The following TACC2 variants were observed in gnomAD, a reference collection of about 807,000 sequenced individuals.
TACC2 encodes transforming acidic coiled-coil containing protein 2.
A neutral mutation model predicts 227.3 loss-of-function variants in TACC2; 137 were observed. The observed-to-expected ratio is 0.60, with a 90% confidence interval of 0.52 to 0.69. The LOEUF (loss-of-function observed/expected upper bound fraction) is 0.69, where lower values mean the gene tolerates loss of function less well. Ranked by LOEUF, TACC2 falls within the 30% of genes least tolerant of loss-of-function variation. The pLI is 0.00. For synonymous variants in TACC2, 1,523 were observed against 1,487.5 expected (o/e 1.02, Z -0.55); for missense variants, 3,470 against 3,694.4 (o/e 0.94, Z 1.57).
At chr10:122,160,667 T>C (rs2092766719) in intron 7 of TACC2, among the ~76,000 whole-genome samples, 2 of 152,186 alleles carry the variant, frequency 1.3e-5, no homozygotes, top group Admixed American at 1.3e-4. Context: ...CACTAGGGAT[T>C]AGGGCTTCAA....
chr10:122,080,347 G>A (rs139604450), intron 3 of TACC2, among the ~76,000 whole-genome samples: 6,136 of 151,360 alleles, frequency 0.041, 398 homozygotes, highest in East Asian at 0.22. Flanking sequence ...ATCCTCCCAC[G>A]TCAGCCTCCT....
Position 122,227,882 on chromosome 10 carries a change from A to G in TACC2, c.7770A>G (p.Lys2590=). Reference sequence around the variant, plus strand: ...AAGCCCTTGTGAACACTGCTGCGAAAAACCAGCATCCTGTCCCACGAGGAC... The same window carrying G: ...AAGCCCTTGTGAACACTGCTGCGAAGAACCAGCATCCTGTCCCACGAGGAC... ...ETEALVNTAA[K]NQHPVPRGLA... Residue 2590 remains lysine (K), a synonymous_variant, in exon 14 of 23, where the codon AAA becomes AAG. Coordinates refer to ENST00000369005, the MANE Select transcript of TACC2 (RefSeq NM_206862.4). 1 of 1,614,204 alleles carries G rather than the reference A, an allele frequency of 6.2e-7. No homozygotes were observed. The highest frequency in any genetic ancestry group is 8.5e-7 in the Non-Finnish European group (1 of 1,180,036).
rs866276961 is a variant in TACC2, at chr10:122,216,787, C to T, written c.7505C>T (p.Ser2502Phe). 1 of 1,614,120 alleles carries T rather than the reference C, an allele frequency of 6.2e-7. No individual in the cohort carries two copies. Among genetic ancestry groups the T allele is most frequent in the Middle Eastern group, 1.6e-4 (1 of 6,062 alleles). The change falls in exon 11 of 23, where the codon TCC becomes TTC. Residue 2502 changes from serine to phenylalanine, a missense_variant. Ser to Phe is a radical substitution (Grantham distance 155). This residue lies in a region of TACC2 where 345 missense variants were observed against 354.4 expected (regional missense o/e 0.97). Transcript: ENST00000369005. The part of the protein sequence containing the change: ...KQDYPQPSDL[S>F]TFVNETKFSS... ...GACTACCCGCAGCCCTCGGACCTGT[C>T]CACCTTTGTAAACGAGACCAAATTC...
chr10:122,235,097 A>C (rs1229791266), intron 16 of TACC2, among the ~76,000 whole-genome samples: 1 of 152,018 alleles, frequency 6.6e-6, no homozygotes, highest in African/African-American at 2.4e-5. Context: ...CCTTTTTAAA[A>C]TTTTTTTAAG....
In TACC2 at chr10:122,050,281, A is replaced by C. The variant is rs1024746558; in HGVS notation, c.34-157A>C. Among the ~76,000 whole-genome samples, 1 of 152,170 alleles carries C rather than the reference A, an allele frequency of 6.6e-6. No individual in the cohort carries two copies. The highest frequency in any genetic ancestry group is 1.5e-5 in the Non-Finnish European group (1 of 68,036). On this transcript the variant is annotated intron_variant, in intron 2 of 22. Coordinates refer to ENST00000369005, the MANE Select transcript of TACC2 (RefSeq NM_206862.4). This position sits in a 1 kb window ranked among gnomAD's most constrained non-coding sequence, Gnocchi z 4.6. ...TCGCTGCCATATATCCTCAAGGCCT[A>C]GCTCAGTGCCGCACATAGTAGGTGT... is the stretch of plus-strand genomic sequence containing the variant.
chr10:122,060,749 A>C (rs2076696190), intron 3 of TACC2, among the ~76,000 whole-genome samples: 1 of 152,242 alleles, frequency 6.6e-6, no homozygotes, highest in Non-Finnish European at 1.5e-5. Context: ...TCATGTCTGT[A>C]ATCCCAGCAC....
At chr10:121,999,046 G>T (rs1397557641) in intron 1 of TACC2, among the ~76,000 whole-genome samples, 1 of 146,180 alleles carries the variant, frequency 6.8e-6, no homozygotes, top group Non-Finnish European at 1.5e-5. Flanking sequence ...GTCTTGCTCT[G>T]TCGCCAGGCT....
At chr10:122,008,934 C>A (rs2135286366) in intron 1 of TACC2, among the ~76,000 whole-genome samples, 1 of 152,328 alleles carries the variant, frequency 6.6e-6, no homozygotes, top group East Asian at 1.9e-4. Context: ...CTGCTGTGAC[C>A]TGCTCAGACA....
chr10:121,999,249 G>A (rs1953972521), intron 1 of TACC2, among the ~76,000 whole-genome samples: 1 of 152,006 alleles, frequency 6.6e-6, no homozygotes, highest in Non-Finnish European at 1.5e-5. Context: ...ACTCGTGATT[G>A]GAATGGCCAT....
chr10:122,211,842 G>T lies in TACC2; in HGVS notation c.7283+134G>T, dbSNP rs1252713459. 11 of 681,784 alleles carry T rather than the reference G, an allele frequency of 1.6e-5. No homozygotes were observed. The East Asian group carries it at 3.0e-4, about 18-fold the overall frequency. The allele number at this position is 681,784 out of a possible 1,614,324, so 42.2% of individuals were successfully genotyped here. On this transcript the variant is annotated intron_variant, in intron 9 of 22. Transcript: ENST00000369005. ...GTGCTGTGATGATGCCACGCTTACG[G>T]CCGTTGCACCAAGCAGACAATGTAC...
intron 8 of TACC2, among the ~76,000 whole-genome samples, chr10:122,200,443 CAGTTACCTCACCTGCCCACAGT>C (rs1231340857): frequency 5.7e-5 from 8 of 141,562 alleles, no homozygotes; most frequent in African/African-American, 2.1e-4. Context: ...ATGGGGAGGA[CAGTTACCTCACCTGCCCACAGT>C]GGCCACATCT....
At chr10:122,154,982 C>G (rs538684011) in intron 7 of TACC2, among the ~76,000 whole-genome samples, 14 of 152,332 alleles carry the variant, frequency 9.2e-5, no homozygotes, top group African/African-American at 3.1e-4. Flanking sequence ...GAAGGGCAGC[C>G]CTGTGCCAGC....
intron 2 of TACC2, chr10:122,022,935 A>G (rs1008114893): frequency 1.3e-5 from 2 of 152,236 alleles, no homozygotes; most frequent in East Asian, 1.9e-4. Flanking sequence ...TTTCTCATTT[A>G]TCTCACACAA....
intron 7 of TACC2, among the ~76,000 whole-genome samples, chr10:122,163,157 G>A (rs545629327): frequency 6.6e-6 from 1 of 152,284 alleles, no homozygotes; most frequent in Non-Finnish European, 1.5e-5. Context: ...GGGGCCTGAA[G>A]GAGGCAGAAG....
At position 122,165,562 on chromosome 10, in the gene TACC2, G is replaced by A. The variant is rs11200442; in HGVS notation, c.5834+21856G>A. On this transcript the variant is annotated intron_variant, in intron 7 of 22. Coordinates refer to ENST00000369005, the MANE Select transcript of TACC2 (RefSeq NM_206862.4). The stretch of plus-strand genomic sequence containing the variant: ...AGGTAGCTGTGCCTTTTTGGATAAG[G>A]TCCCTTAAGGTTCTGCCCACTGGGA... Among the ~76,000 whole-genome samples the A allele has an allele frequency of 6.0e-3, 920 of 152,216 alleles. 68 individuals carry two copies. In the East Asian group the frequency reaches 0.15, roughly 25 times the overall value.
At chr10:122,219,582 G>C (rs1163954052) in intron 11 of TACC2, among the ~76,000 whole-genome samples, 4 of 152,222 alleles carry the variant, frequency 2.6e-5, no homozygotes, top group African/African-American at 7.2e-5. Flanking sequence ...ACCTGCGTCA[G>C]ATGTGGAGCA....
Position 122,086,205 on chromosome 10 carries a change from CCCTTACCT to C in TACC2, c.3706_3713del (p.Pro1236AlafsTer75), listed in dbSNP as rs1400731544. The C allele has an allele frequency of 6.2e-7, 1 of 1,613,758 alleles. No homozygotes were observed. The highest frequency in any genetic ancestry group is 1.1e-5 in the South Asian group (1 of 91,088). Reference sequence around the variant, plus strand: ...CACCAGAAGTGGCTGCTCCTGACACCCCTTACCTGCATGTCGACAGTGCTGCCCAGAGA... The same window carrying C: ...CACCAGAAGTGGCTGCTCCTGACACCGCATGTCGACAGTGCTGCCCAGAGA... On this transcript the variant is annotated frameshift_variant, in exon 4 of 23. Coordinates refer to ENST00000369005, the MANE Select transcript of TACC2 (RefSeq NM_206862.4). LOFTEE classifies it high-confidence loss of function.
At chr10:122,168,648 G>T (rs577951543) in intron 7 of TACC2, among the ~76,000 whole-genome samples, 13 of 152,296 alleles carry the variant, frequency 8.5e-5, no homozygotes, top group South Asian at 4.1e-4. Context: ...AGGGTACCCT[G>T]TCGAGGATGG....
At chr10:122,080,453 T>A (rs2079342796) in intron 3 of TACC2, among the ~76,000 whole-genome samples, 1 of 152,016 alleles carries the variant, frequency 6.6e-6, no homozygotes, top group Non-Finnish European at 1.5e-5. Flanking sequence ...AGGCTGGTCT[T>A]GAACTCCTGA....
Sources: allele counts gnomAD v4.1 joint callset (sites outside exome capture counted in the v4.1 genomes callset), GRCh38; gene constraint gnomAD v4.1.1; regional missense constraint gnomAD v4.1.1; non-coding constraint Gnocchi (gnomAD v3.1); transcripts MANE v1.5; gene names NCBI Gene and HGNC (gene_info 2026-07-23, HGNC 2026-07-21).